GALNT14: variants seen among roughly 807,000 people sequenced by gnomAD.
GALNT14 encodes UDP-GalNAc:polypeptide N-acetylgalactosaminyltransferase 14.
In GALNT14, 60 loss-of-function variants were observed where a neutral mutation model predicts 77.5. That is an observed-to-expected ratio of 0.77 (90% CI 0.63 to 0.96). GALNT14 has a LOEUF of 0.96. Ranked by LOEUF, GALNT14 falls within the 40% of genes least tolerant of loss-of-function variation. The pLI, the probability that GALNT14 is intolerant of heterozygous loss-of-function variation, is 0.00. For missense variants in GALNT14, 710 were observed against 731.0 expected, an observed-to-expected ratio of 0.97 and a Z score of 0.33; for synonymous variants, 280 against 281.7, an observed-to-expected ratio of 0.99 and a Z score of 0.06.
Position 31,014,987 on chromosome 2 carries a change from G to C in GALNT14, c.130-21980C>G, listed in dbSNP as rs74708541. Reference sequence around the variant, plus strand: ...CCTCTGAAGAATCAACCACTCGCTAGCTTTAAAGAGGCAGGAGCTTGGCCG... The same window carrying C: ...CCTCTGAAGAATCAACCACTCGCTACCTTTAAAGAGGCAGGAGCTTGGCCG... On this transcript the variant is annotated intron_variant, in intron 1 of 14. Transcript: ENST00000349752. 2.2e-3 allele frequency among the ~76,000 whole-genome samples: 338 copies of C among 152,228 alleles called. 1 individual carries two copies. The highest frequency in any genetic ancestry group is 7.8e-3 in the African/African-American group (326 of 41,548).
chr2:31,005,926 G>A (rs903464232), intron 1 of GALNT14, among the ~76,000 whole-genome samples: 3 of 152,252 alleles, frequency 2.0e-5, no homozygotes, highest in Admixed American at 1.3e-4. Flanking sequence ...CACGTGGAGA[G>A]TGGGGGCTGG....
At position 30,924,046 on chromosome 2, in the gene GALNT14, A is replaced by T. The variant is rs1304627833; in HGVS notation, c.1380+73T>A. 4 of 1,543,076 alleles carry T rather than the reference A, an allele frequency of 2.6e-6. No homozygotes were observed. In the Admixed American group the frequency reaches 6.7e-5, roughly 26 times the overall value. ...ATCTGATGTCATGTAAGAGCAGGTGATGGAGGCAGAGTCATCTGGCTGCCT... is the reference window on the plus strand; with the variant it reads ...ATCTGATGTCATGTAAGAGCAGGTGTTGGAGGCAGAGTCATCTGGCTGCCT... On this transcript the variant is annotated intron_variant, in intron 13 of 14. Transcript: ENST00000349752.
At chr2:31,124,934 C>T (rs941497239) in intron 1 of GALNT14, among the ~76,000 whole-genome samples, 1 of 151,250 alleles carries the variant, frequency 6.6e-6, no homozygotes, top group Non-Finnish European at 1.5e-5. Flanking sequence ...GGCCACAAAC[C>T]AGGTCTTCTA....
chr2:30,913,238 G>A (rs541188146), intron 13 of GALNT14, among the ~76,000 whole-genome samples: 1 of 152,226 alleles, frequency 6.6e-6, no homozygotes, highest in South Asian at 2.1e-4. Flanking sequence ...TTTACCCTTT[G>A]CCTCCGTCTG....
chr2:31,081,836 T>G (rs1425266291), intron 1 of GALNT14, among the ~76,000 whole-genome samples: 2 of 152,172 alleles, frequency 1.3e-5, no homozygotes, highest in Non-Finnish European at 2.9e-5. Context: ...AAACTATTGA[T>G]TTAATCGACT....
At chr2:31,066,847 A>T (rs1335098907) in intron 1 of GALNT14, among the ~76,000 whole-genome samples, 1 of 152,048 alleles carries the variant, frequency 6.6e-6, no homozygotes, top group East Asian at 1.9e-4. Flanking sequence ...GAAAGGAGAA[A>T]TCTAGTCACA....
chr2:30,998,144 G>C (rs886552899), intron 1 of GALNT14, among the ~76,000 whole-genome samples: 1 of 152,194 alleles, frequency 6.6e-6, no homozygotes, highest in East Asian at 1.9e-4. Flanking sequence ...AAACTGTCTC[G>C]TTAAGTCTGC....
At chr2:31,014,074 G>C (rs987587716) in intron 1 of GALNT14, among the ~76,000 whole-genome samples, 73 of 152,200 alleles carry the variant, frequency 4.8e-4, no homozygotes, top group African/African-American at 1.7e-3. Flanking sequence ...TGATTTGGAG[G>C]AAGCTGCTTA....
At chr2:30,963,597 C>A (rs1297573451) in intron 3 of GALNT14, among the ~76,000 whole-genome samples, 2 of 152,094 alleles carry the variant, frequency 1.3e-5, no homozygotes, top group Non-Finnish European at 2.9e-5. Context: ...CACTGTAATG[C>A]CCCCAAATGT....
intron 1 of GALNT14, among the ~76,000 whole-genome samples, chr2:31,051,739 C>A (rs12992642): frequency 0.3 from 45,014 of 152,100 alleles, 7,416 homozygotes; most frequent in Admixed American, 0.44. Context: ...CCTGCTGTGA[C>A]TGCCTCTGTG....
At chr2:31,083,154 C>G (rs991877924) in intron 1 of GALNT14, among the ~76,000 whole-genome samples, 2 of 152,210 alleles carry the variant, frequency 1.3e-5, no homozygotes, top group African/African-American at 4.8e-5. Flanking sequence ...AGTGCTATCA[C>G]TAGAAAGAGC....
At chr2:31,006,852 T>C (rs1670703221) in intron 1 of GALNT14, among the ~76,000 whole-genome samples, 1 of 152,252 alleles carries the variant, frequency 6.6e-6, no homozygotes, top group Non-Finnish European at 1.5e-5. Context: ...AGCTTTCAGC[T>C]GAGCAGAATT....
chr2:31,126,287 C>T (rs1678695551), intron 1 of GALNT14, among the ~76,000 whole-genome samples: 2 of 152,176 alleles, frequency 1.3e-5, no homozygotes, highest in African/African-American at 4.8e-5. Flanking sequence ...CATTCAAGTC[C>T]TCCCTTTCAC....
Position 31,017,106 on chromosome 2 carries a change from T to G in GALNT14, c.130-24099A>C, listed in dbSNP as rs1671417778. ...GGACCCCAGTCTGTCTGGCCCATGC[T>G]CTTTCTGTTAATGCCATTTCTGCTT... On this transcript the variant is annotated intron_variant, in intron 1 of 14. Coordinates refer to ENST00000349752, the MANE Select transcript of GALNT14 (RefSeq NM_024572.4). 2.0e-5 allele frequency among the ~76,000 whole-genome samples: 3 copies of G among 152,246 alleles called. No homozygotes were observed. In the South Asian group the frequency reaches 6.2e-4, roughly 31 times the overall value.
intron 1 of GALNT14, among the ~76,000 whole-genome samples, chr2:31,137,216 C>T (rs974362044): frequency 3.3e-5 from 5 of 152,262 alleles, no homozygotes; most frequent in African/African-American, 1.2e-4. Flanking sequence ...GAAGTTTTCC[C>T]TTTCCCCCTA....
At chr2:30,943,026 G>T (rs1052064249) in intron 8 of GALNT14, among the ~76,000 whole-genome samples, 1 of 152,170 alleles carries the variant, frequency 6.6e-6, no homozygotes, top group African/African-American at 2.4e-5. Context: ...AGAGACACAG[G>T]GAAGACATGG....
intron 6 of GALNT14, among the ~76,000 whole-genome samples, chr2:30,950,938 G>C (rs1027487877): frequency 6.6e-6 from 1 of 152,206 alleles, no homozygotes; most frequent in Non-Finnish European, 1.5e-5. Context: ...AAGGGCTTCA[G>C]AGGTTCATTA....
At chr2:31,041,700 G>A (rs572191620) in intron 1 of GALNT14, among the ~76,000 whole-genome samples, 23 of 152,260 alleles carry the variant, frequency 1.5e-4, no homozygotes, top group Admixed American at 2.0e-4. Context: ...TAAGAACCAC[G>A]CTCTTGGGGG....
intron 2 of GALNT14, among the ~76,000 whole-genome samples, chr2:30,986,593 T>C (rs944819590): frequency 2.6e-5 from 4 of 152,204 alleles, no homozygotes; most frequent in Non-Finnish European, 5.9e-5. Context: ...CTCTATTGTA[T>C]TAAAATGTAA....
Sources: allele counts gnomAD v4.1 joint callset (sites outside exome capture counted in the v4.1 genomes callset), GRCh38; gene constraint gnomAD v4.1.1; transcripts MANE v1.5; gene names NCBI Gene and HGNC (gene_info 2026-07-23, HGNC 2026-07-21).